The following TRRAP variants were observed in gnomAD, a reference collection of about 807,000 sequenced individuals.
The protein encoded by TRRAP is transformation/transcription domain associated protein.
A neutral mutation model predicts 438.8 loss-of-function variants in TRRAP; 41 were observed. The observed-to-expected ratio is 0.09, with a 90% CI of 0.07 to 0.12. TRRAP has a LOEUF of 0.12. Ranked by LOEUF, TRRAP falls within the 10% of genes least tolerant of loss-of-function variation. The probability of loss-of-function intolerance (pLI) is 1.00; values close to 1 mark genes in which losing one functional copy is unlikely to be tolerated. For synonymous variants in TRRAP, 1,994 were observed against 1,962.9 expected, an observed-to-expected ratio of 1.02 and a Z score of -0.42; for missense variants, 3,122 against 5,055.1, an observed-to-expected ratio of 0.62 and a Z score of 11.60.
chr7:98,999,611 A>G (rs1238177246), intron 67 of TRRAP: 2 of 800,654 alleles, frequency 2.5e-6, no homozygotes, highest in Non-Finnish European at 4.3e-6. Flanking sequence ...AAGTGCTTGC[A>G]TAGAGCAGAG....
intron 65 of TRRAP, among the ~76,000 whole-genome samples, chr7:98,993,226 T>C (rs1288735027): frequency 1.3e-5 from 2 of 152,276 alleles, no homozygotes; most frequent in Non-Finnish European, 1.5e-5. Context: ...GGAACTCTTG[T>C]GCGCCCTCAC....
At position 98,984,075 on chromosome 7, in the gene TRRAP, C is replaced by A; in HGVS notation, c.9023-18C>A. 1.3e-6 allele frequency: 2 copies of A among 1,563,452 alleles called. No individual in the cohort carries two copies. The highest frequency in any genetic ancestry group is 1.2e-5 in the South Asian group (1 of 81,918). ...AGAGGATCGGTGTGGGCTAATGATT[C>A]CTTTCTTTGCCCTCTAGCGATTGTA... On this transcript the variant is annotated intron_variant, in intron 60 of 72. Transcript: ENST00000456197.
At chr7:98,926,124 G>C (rs2116490018) in intron 22 of TRRAP, among the ~76,000 whole-genome samples, 1 of 152,288 alleles carries the variant, frequency 6.6e-6, no homozygotes, top group African/African-American at 2.4e-5. Flanking sequence ...CACATGCAGA[G>C]AGAGAAAAGA....
chr7:98,959,564 C>T lies in TRRAP; in HGVS notation c.6489+74C>T, dbSNP rs891428256. The T allele has an allele frequency of 2.6e-6, 4 of 1,557,978 alleles. No individual in the cohort carries two copies. The African/African-American group carries it at 4.1e-5, about 16-fold the overall frequency. ...GCAGATACTGTCACCTGGGCAGGGA[C>T]TGGACATTTGTGGATCACTCTGACC... On this transcript the variant is annotated intron_variant, in intron 45 of 72. Transcript: ENST00000456197.
At chr7:99,001,052 G>A (rs1793897909) in intron 67 of TRRAP, among the ~76,000 whole-genome samples, 1 of 152,252 alleles carries the variant, frequency 6.6e-6, no homozygotes, top group Admixed American at 6.5e-5. Flanking sequence ...TGTCCTAGAT[G>A]ACACAGTTAA....
rs754198031 is a variant in TRRAP at position 98,965,901 on chromosome 7, C to T, written c.7176+6C>T. The T allele has an allele frequency of 6.2e-7, 1 of 1,613,894 alleles. No individual in the cohort carries two copies. Among genetic ancestry groups the T allele is most frequent in the Admixed American group, 1.7e-5 (1 of 59,988 alleles). On this transcript the variant is annotated splice_donor_region_variant and intron_variant, in intron 49 of 72. Coordinates refer to ENST00000456197, the MANE Select transcript of TRRAP (RefSeq NM_001375524.1). The stretch of plus-strand genomic sequence containing the variant: ...CCCCAATGGCAGCCAATCAGGTGAG[C>T]TGGGACGGTGTGCCATGTGATCTCC...
intron 3 of TRRAP, among the ~76,000 whole-genome samples, chr7:98,887,356 T>G (rs560473971): frequency 6.6e-6 from 1 of 152,330 alleles, no homozygotes; most frequent in African/African-American, 2.4e-5. Flanking sequence ...ATCTTCTCCC[T>G]CTTTTCCTTG....
chr7:99,002,950 C>T (rs1033993744), intron 67 of TRRAP, among the ~76,000 whole-genome samples: 15 of 152,190 alleles, frequency 9.9e-5, no homozygotes, highest in Non-Finnish European at 1.9e-4. Flanking sequence ...AAATTATTCC[C>T]GTTCCTATAC....
chr7:99,004,529 T>C, intron 68 of TRRAP, 114 bp downstream of exon 68: 3 of 873,078 alleles, frequency 3.4e-6, no homozygotes, highest in Non-Finnish European at 5.3e-6. Context: ...TTCCCTGACA[T>C]GGGAGAACAT....
intron 70 of TRRAP, among the ~76,000 whole-genome samples, chr7:99,010,122 G>A (rs947925144): frequency 3.9e-5 from 6 of 151,988 alleles, no homozygotes; most frequent in Non-Finnish European, 8.8e-5. Flanking sequence ...TCCTGACCTC[G>A]TGATCCACCC....
intron 53 of TRRAP, among the ~76,000 whole-genome samples, chr7:98,975,618 T>G (rs1350532615): frequency 6.6e-6 from 1 of 152,258 alleles, no homozygotes; most frequent in African/African-American, 2.4e-5. Context: ...TCCGTTCCAT[T>G]CTCTTCTGTT....
rs552524857 is a variant in TRRAP at position 98,952,002 on chromosome 7, G to A, written c.5463+998G>A. ...GAGAAAAGGAGCTGGCAGGCTGGAG[G>A]CTGTGGATGCAGGTGTGGGCCTGCC... is the stretch of plus-strand genomic sequence containing the variant. On this transcript the variant is annotated intron_variant, in intron 39 of 72. Coordinates refer to ENST00000456197, the MANE Select transcript of TRRAP (RefSeq NM_001375524.1). 2.4e-3 allele frequency among the ~76,000 whole-genome samples: 370 copies of A among 152,308 alleles called. 2 individuals are homozygous for A. The highest frequency in any genetic ancestry group is 4.7e-3 in the Admixed American group (72 of 15,302).
chr7:98,999,921 GACA>G (rs1392005844), intron 67 of TRRAP: 3 of 313,528 alleles, frequency 9.6e-6, no homozygotes, highest in African/African-American at 2.2e-5. Context: ...TCAGTCTTCT[GACA>G]ACATTTAATT....
At chr7:98,931,715 C>A (rs782345134) in intron 26 of TRRAP, 50 bp downstream of exon 26, 1 of 1,583,536 alleles carries the variant, frequency 6.3e-7, no homozygotes, top group Non-Finnish European at 8.6e-7. Flanking sequence ...AACTTTTGAG[C>A]CTTTTTTTTA....
chr7:98,937,201 T>G lies in TRRAP; in HGVS notation c.4157T>G (p.Ile1386Ser). The change falls in exon 29 of 73, where the codon ATC becomes AGC. Residue 1386 changes from isoleucine (I) to serine (S), a missense_variant. Coordinates refer to ENST00000456197, the MANE Select transcript of TRRAP (RefSeq NM_001375524.1). ...TACCTTCCTCAGTCCAGGGAGAAAA[T>G]CATCGCTGCACTCTTCAAAGCCCTG... ...CNYLPQSREKIIAALFKALNS... is the reference protein window; with the variant it reads ...CNYLPQSREKSIAALFKALNS... 1 of 1,613,394 alleles carries G rather than the reference T, an allele frequency of 6.2e-7. No individual in the cohort carries two copies.
chr7:98,977,371 G>A (rs920531233), intron 56 of TRRAP, among the ~76,000 whole-genome samples: 7 of 152,094 alleles, frequency 4.6e-5, no homozygotes, highest in Non-Finnish European at 7.4e-5. Context: ...CATGTTGGCC[G>A]TGCTGGTCTC....
At chr7:98,971,708 A>G (rs772557510) in intron 52 of TRRAP, 91 bp from the exon 53 acceptor site, 3 of 1,494,040 alleles carry the variant, frequency 2.0e-6, no homozygotes, top group East Asian at 4.6e-5. Flanking sequence ...AATTTTACCA[A>G]AATTGTAACA....
Position 98,948,381 on chromosome 7 carries a change from T to G in TRRAP, c.4668+41T>G. ...AAGGCTGCTTCTCGCTCTGCCACCC[T>G]CCGGTGCTTATAGCGTCCTCACTTG... is the stretch of plus-strand genomic sequence containing the variant. On this transcript the variant is annotated intron_variant, in intron 34 of 72. Transcript: ENST00000456197. This position sits in a 1 kb window ranked among gnomAD's most constrained non-coding sequence, Gnocchi z 4.9. The G allele has an allele frequency of 6.2e-7, 1 of 1,613,554 alleles. No individual in the cohort carries two copies. The highest frequency in any genetic ancestry group is 8.5e-7 in the Non-Finnish European group (1 of 1,179,800).
At chr7:98,909,662 G>A (rs994225062) in intron 14 of TRRAP, among the ~76,000 whole-genome samples, 3 of 152,182 alleles carry the variant, frequency 2.0e-5, no homozygotes, top group African/African-American at 2.4e-5. Flanking sequence ...GGGTGGTGGC[G>A]GGGCCCTGTT....
Sources: allele counts gnomAD v4.1 joint callset (sites outside exome capture counted in the v4.1 genomes callset), GRCh38; gene constraint gnomAD v4.1.1; non-coding constraint Gnocchi (gnomAD v3.1); transcripts MANE v1.5; gene names NCBI Gene and HGNC (gene_info 2026-07-23, HGNC 2026-07-21).